IL1RAPL2: variants seen among roughly 807,000 people sequenced by gnomAD.
IL1RAPL2 encodes the protein interleukin 1 receptor accessory protein like 2.
In IL1RAPL2, 3 loss-of-function variants were observed where a neutral mutation model predicts 44.1. The observed-to-expected ratio is 0.07, with a 90% CI of 0.03 to 0.18. The LOEUF (loss-of-function observed/expected upper bound fraction) is 0.18. IL1RAPL2 is among the 10% of genes least tolerant of loss of function. The pLI, the probability that IL1RAPL2 is intolerant of heterozygous loss-of-function variation, is 1.00. For missense variants in IL1RAPL2, 391 were observed against 496.4 expected, an observed-to-expected ratio of 0.79 and a Z score of 2.02; for synonymous variants, 181 against 178.8, an observed-to-expected ratio of 1.01 and a Z score of -0.10.
At chrX:104,911,813 C>T (rs1224379153) in intron 2 of IL1RAPL2, among the ~76,000 whole-genome samples, 2 of 111,852 alleles carry the variant, frequency 1.8e-5, no homozygotes, top group African/African-American at 6.5e-5. Context: ...TGATCTTCTT[C>T]CTGTTATTTG....
chrX:104,942,608 G>T, intron 2 of IL1RAPL2, among the ~76,000 whole-genome samples: 1 of 111,484 alleles, frequency 9.0e-6, no homozygotes, highest in Non-Finnish European at 1.9e-5. Flanking sequence ...AAATGATGGG[G>T]TTTTCTAAAT....
chrX:105,283,769 A>T (rs1187329480), intron 5 of IL1RAPL2, among the ~76,000 whole-genome samples: 1 of 111,132 alleles, frequency 9.0e-6, no homozygotes, highest in Non-Finnish European at 1.9e-5. Context: ...CTAGATATAT[A>T]AAATTTGGAG....
At chrX:104,934,256 T>A (rs1924977212) in intron 2 of IL1RAPL2, among the ~76,000 whole-genome samples, 1 of 110,509 alleles carries the variant, frequency 9.0e-6, no homozygotes, top group African/African-American at 3.3e-5. Flanking sequence ...TCTGGGGTTT[T>A]ACATATCCTC....
chrX:105,679,973 A>G (rs1046541470), intron 6 of IL1RAPL2, among the ~76,000 whole-genome samples: 3 of 111,386 alleles, frequency 2.7e-5, no homozygotes, highest in African/African-American at 9.8e-5. Context: ...TGCCAATAGT[A>G]TCTACAAATG....
At chrX:105,467,301 G>A in intron 5 of IL1RAPL2, among the ~76,000 whole-genome samples, 1 of 111,704 alleles carries the variant, frequency 9.0e-6, no homozygotes. Context: ...AATCTGATTT[G>A]AGGTACTAGC....
At chrX:104,705,980 T>G (rs1249404729) in intron 2 of IL1RAPL2, among the ~76,000 whole-genome samples, 1 of 112,197 alleles carries the variant, frequency 8.9e-6, no homozygotes, top group Non-Finnish European at 1.9e-5. Flanking sequence ...TTCTATAAAA[T>G]ATTAATACTT....
intron 2 of IL1RAPL2, among the ~76,000 whole-genome samples, chrX:104,916,703 G>T (rs1180640020): frequency 9.0e-6 from 1 of 111,292 alleles, no homozygotes; most frequent in Admixed American, 9.6e-5. Context: ...TTGGCTGTGG[G>T]TTTGTCACAG....
At chrX:105,718,765 C>T (rs917160401) in intron 7 of IL1RAPL2, among the ~76,000 whole-genome samples, 19 of 110,823 alleles carry the variant, frequency 1.7e-4, no homozygotes, top group African/African-American at 5.9e-4. Context: ...CCCCGCTTCC[C>T]TGCCAAGAAA....
chrX:105,537,356 C>A (rs2036685659), intron 6 of IL1RAPL2, among the ~76,000 whole-genome samples: 1 of 111,528 alleles, frequency 9.0e-6, no homozygotes. Flanking sequence ...CTTTTCTGAA[C>A]CTTCTGCTAA....
chrX:104,952,579 G>A (rs1038737522), intron 2 of IL1RAPL2, among the ~76,000 whole-genome samples: 1 of 111,609 alleles, frequency 9.0e-6, no homozygotes, highest in Non-Finnish European at 1.9e-5. Context: ...TTTCCCAGAA[G>A]AGAAGAACTT....
Position 105,461,734 on chromosome X carries a change from A to G in IL1RAPL2, c.698-22579A>G, listed in dbSNP as rs926413001. On this transcript the variant is annotated intron_variant, in intron 5 of 10. Transcript: ENST00000372582. ...ACTGCAATAGAAATAAAGAGGAATA[A>G]TAGCAGAGTATAATTTAATAGAAAG... 4.5e-5 allele frequency among the ~76,000 whole-genome samples: 5 copies of G among 111,563 alleles called. No homozygotes were observed. The South Asian group carries it at 1.1e-3, about 25-fold the overall frequency.
At chrX:105,680,663 G>T (rs182935059) in intron 6 of IL1RAPL2, among the ~76,000 whole-genome samples, 38 of 111,657 alleles carry the variant, frequency 3.4e-4, no homozygotes, top group Non-Finnish European at 4.9e-4. Flanking sequence ...ATTCTGAAGG[G>T]GTCAACAAGG....
At chrX:105,681,422 C>A (rs1355059319) in intron 6 of IL1RAPL2, among the ~76,000 whole-genome samples, 3 of 111,915 alleles carry the variant, frequency 2.7e-5, no homozygotes, top group Non-Finnish European at 5.6e-5. Flanking sequence ...CCTTATACAT[C>A]TTGAAAAGAA....
intron 2 of IL1RAPL2, among the ~76,000 whole-genome samples, chrX:105,085,865 T>C (rs1447534198): frequency 8.9e-6 from 1 of 111,993 alleles, no homozygotes; most frequent in Admixed American, 9.5e-5. Context: ...ATTCTTAAAG[T>C]AGGCTAGAGA....
rs917556488 is a variant in IL1RAPL2 at position 105,339,326 on chromosome X, G to C, written c.697+71785G>C. Among the ~76,000 whole-genome samples, 3 of 25,365 alleles carry C rather than the reference G, an allele frequency of 1.2e-4. No homozygotes were observed. The Non-Finnish European group carries it at 2.8e-3, about 23-fold the overall frequency. 22.0% of individuals were successfully genotyped at this position (25,365 alleles called of 115,157 possible). ...ATTTCCCCAAAACATATAGGGAATC[G>C]TGTATGAATAAAGTCTCCAAATTAA... On this transcript the variant is annotated intron_variant, in intron 5 of 10. Coordinates refer to ENST00000372582, the MANE Select transcript of IL1RAPL2 (RefSeq NM_017416.2).
At chrX:104,797,288 A>G (rs1252075346) in intron 2 of IL1RAPL2, among the ~76,000 whole-genome samples, 1 of 101,325 alleles carries the variant, frequency 9.9e-6, no homozygotes, top group African/African-American at 3.7e-5. Flanking sequence ...AATTTAATCT[A>G]CGTGACAAAG....
chrX:104,874,314 C>T (rs1449465800), intron 2 of IL1RAPL2, among the ~76,000 whole-genome samples: 6 of 108,009 alleles, frequency 5.6e-5, no homozygotes, highest in East Asian at 2.9e-4. Flanking sequence ...CTCTCTCTCT[C>T]TCTGAAACTT....
chrX:104,855,286 G>A (rs1922327114), intron 2 of IL1RAPL2, among the ~76,000 whole-genome samples: 1 of 111,678 alleles, frequency 9.0e-6, no homozygotes, highest in South Asian at 3.8e-4. Context: ...AGGCAGCAAA[G>A]TTTGGAGCTA....
intron 5 of IL1RAPL2, among the ~76,000 whole-genome samples, chrX:105,333,543 A>T (rs2035003959): frequency 9.0e-6 from 1 of 111,670 alleles, no homozygotes; most frequent in African/African-American, 3.3e-5. Context: ...AAGTTTCTGC[A>T]TGGCAAAGGA....
Sources: gnomAD v4.1 joint callset for allele counts (sites outside exome capture counted in the v4.1 genomes callset) on GRCh38, gnomAD v4.1.1 for gene constraint, MANE v1.5 for transcripts, NCBI Gene and HGNC (gene_info 2026-07-23, HGNC 2026-07-21) for gene names.